The following CBLIF variants were observed in gnomAD, a reference collection of about 807,000 sequenced individuals.
CBLIF encodes the protein gastric intrinsic factor (vitamin B synthesis).
In CBLIF, 24 loss-of-function variants were observed where a neutral mutation model predicts 44.9. The ratio of observed to expected loss-of-function variants is 0.53; its 90% CI spans 0.39 to 0.75. CBLIF has a LOEUF of 0.75. Ranked by LOEUF, CBLIF falls within the 30% of genes least tolerant of loss-of-function variation. The pLI, the probability that CBLIF is intolerant of heterozygous loss-of-function variation, is 0.00. For missense variants in CBLIF, 481 were observed against 513.0 expected (o/e 0.94, Z 0.60); for synonymous variants, 183 against 190.9 (o/e 0.96, Z 0.34).
At chr11:59,839,317 A>G (rs1387106967) in intron 5 of CBLIF, among the ~76,000 whole-genome samples, 1 of 152,358 alleles carries the variant, frequency 6.6e-6, no homozygotes, top group Middle Eastern at 3.4e-3. Context: ...ATCTTGGAAG[A>G]AGGTGAACAA....
chr11:59,845,464 C>T lies in CBLIF; in HGVS notation c.-11G>A, dbSNP rs779506821. The T allele has an allele frequency of 1.2e-5, 19 of 1,578,334 alleles. No individual in the cohort carries two copies. The highest frequency in any genetic ancestry group is 5.0e-5 in the Admixed American group (3 of 59,928). Reference sequence around the variant, plus strand: ...GGCAAACCAGGCCATCTCACTCTCTCGTCTATGTCTCTCATCCACAGGTAC... The same window carrying T: ...GGCAAACCAGGCCATCTCACTCTCTTGTCTATGTCTCTCATCCACAGGTAC... On this transcript the variant is annotated 5_prime_UTR_variant, in exon 1 of 9. Transcript: ENST00000257248.
At chr11:59,835,396 A>G in intron 7 of CBLIF, among the ~76,000 whole-genome samples, 1 of 151,742 alleles carries the variant, frequency 6.6e-6, no homozygotes, top group East Asian at 1.9e-4. Context: ...AGCCTCCCAA[A>G]GTGCTGGGAT....
Position 59,829,440 on chromosome 11 carries a change from C to A in CBLIF, c.*44G>T, listed in dbSNP as rs1169467156. 1.6e-6 allele frequency: 2 copies of A among 1,262,584 alleles called. No individual in the cohort carries two copies. The highest frequency in any genetic ancestry group is 2.3e-6 in the Non-Finnish European group (2 of 858,902). The allele number at this position is 1,262,584 out of a possible 1,614,324, so 78.2% of individuals were successfully genotyped here. On this transcript the variant is annotated 3_prime_UTR_variant, in exon 9 of 9. Transcript: ENST00000257248. Reference sequence around the variant, plus strand: ...TAAAATGAAGTGGAAAAAATTTCACCCATCCTTTGGAGATGTTTGATAGAA... The same window carrying A: ...TAAAATGAAGTGGAAAAAATTTCACACATCCTTTGGAGATGTTTGATAGAA...
intron 8 of CBLIF, among the ~76,000 whole-genome samples, chr11:59,830,213 G>A (rs1362651002): frequency 6.7e-6 from 1 of 148,936 alleles, no homozygotes. Context: ...CCTGATTTAA[G>A]TTCCTGGGGC....
chr11:59,837,375 G>C, intron 5 of CBLIF, 24 bp from the exon 6 acceptor site: 2 of 1,583,438 alleles, frequency 1.3e-6, no homozygotes, highest in Non-Finnish European at 1.7e-6. Context: ...CAGAAAGAGA[G>C]AGAAAGAGTA....
intron 6 of CBLIF, among the ~76,000 whole-genome samples, chr11:59,836,598 G>A (rs113333935): frequency 0.012 from 1,753 of 152,150 alleles, 28 homozygotes; most frequent in African/African-American, 0.04. Flanking sequence ...GATATATTGC[G>A]TGCATCGAGC....
chr11:59,835,913 C>T lies in CBLIF; in HGVS notation c.968G>A (p.Arg323Lys). The T allele has an allele frequency of 1.2e-6, 2 of 1,613,984 alleles. No individual in the cohort carries two copies. The highest frequency in any genetic ancestry group is 1.7e-6 in the Non-Finnish European group (2 of 1,179,876). ...CTCGTTGAAGAGCAGCTCAACCCCCCTCAGCTGGTTATTTATGGTGTATAT... is the reference window on the plus strand; with the variant it reads ...CTCGTTGAAGAGCAGCTCAACCCCCTTCAGCTGGTTATTTATGGTGTATAT... ...TVIYTINNQLRGVELLFNETI... is the reference protein window; with the variant it reads ...TVIYTINNQLKGVELLFNETI... The change falls in exon 7 of 9, where the codon AGG becomes AAG. Residue 323 changes from arginine to lysine, a missense_variant. Transcript: ENST00000257248.
rs1401062936 is a variant in CBLIF at position 59,837,324 on chromosome 11, T to C, written c.721A>G (p.Lys241Glu). 6.2e-7 allele frequency: 1 copy of C among 1,613,306 alleles called. No individual in the cohort carries two copies. The highest frequency in any genetic ancestry group is 1.1e-5 in the South Asian group (1 of 91,062). The change falls in exon 6 of 9, where the codon AAA (lysine) becomes GAA (glutamate). Residue 241 changes from lysine to glutamate, a missense_variant. Lys to Glu is a moderately conservative substitution (Grantham distance 56). Coordinates refer to ENST00000257248, the MANE Select transcript of CBLIF (RefSeq NM_005142.3). ...GTCTTCTTGCAGTTCCATTCCTTTT[T>C]AGATGGCTCAGGTGTTACAGAGAGA... ...QALSVTPEPSKKEWNCKKTTD... is the reference protein window; with the variant it reads ...QALSVTPEPSEKEWNCKKTTD...
chr11:59,836,669 C>T (rs1473108292), intron 6 of CBLIF, among the ~76,000 whole-genome samples: 1 of 152,154 alleles, frequency 6.6e-6, no homozygotes, highest in African/African-American at 2.4e-5. Flanking sequence ...TCTGAAGCCT[C>T]CCAAACAAAA....
chr11:59,830,169 G>C (rs909034058), intron 8 of CBLIF, among the ~76,000 whole-genome samples: 1 of 151,544 alleles, frequency 6.6e-6, no homozygotes, highest in Non-Finnish European at 1.5e-5. Flanking sequence ...CTTTCTCCCA[G>C]GGAAGAAAAG....
At chr11:59,832,519 G>T (rs1055740600) in intron 7 of CBLIF, among the ~76,000 whole-genome samples, 6 of 152,054 alleles carry the variant, frequency 3.9e-5, no homozygotes, top group African/African-American at 1.4e-4. Context: ...CAGGTGTGGC[G>T]GCTCATGCCT....
rs778972596 is a variant in CBLIF at position 59,836,832 on chromosome 11, T to C, written c.871+342A>G. ...AAAGGCAGATATGATAAGATATGCATAGTGTTTGATGGTACATTTGTGAAA... is the reference window on the plus strand; with the variant it reads ...AAAGGCAGATATGATAAGATATGCACAGTGTTTGATGGTACATTTGTGAAA... On this transcript the variant is annotated intron_variant, in intron 6 of 8. Transcript: ENST00000257248. Among the ~76,000 whole-genome samples, 178 of 152,232 alleles carry C rather than the reference T, an allele frequency of 1.2e-3. 6 individuals are homozygous for C. The highest frequency in any genetic ancestry group is 5.2e-4 in the Admixed American group (8 of 15,282).
At chr11:59,836,501 AGT>A (rs1415892357) in intron 6 of CBLIF, among the ~76,000 whole-genome samples, 3 of 152,182 alleles carry the variant, frequency 2.0e-5, no homozygotes, top group African/African-American at 7.2e-5. Flanking sequence ...TTGAATTTTT[AGT>A]GTCTTTCAAT....
At chr11:59,834,278 T>C (rs1469953456) in intron 7 of CBLIF, among the ~76,000 whole-genome samples, 1 of 136,422 alleles carries the variant, frequency 7.3e-6, no homozygotes, top group Non-Finnish European at 1.6e-5. Context: ...CTTTCTTTCT[T>C]TCTTTCTTTC....
chr11:59,842,628 G>A lies in CBLIF; in HGVS notation c.371-45C>T, dbSNP rs115548694. On this transcript the variant is annotated intron_variant, in intron 3 of 8. Transcript: ENST00000257248. ...CCTTCATCAGACTCACAGTCACCAC[G>A]ATGAGGACATTTGCAAAGAAGGAAA... The A allele has an allele frequency of 7.3e-4, 1,166 of 1,593,624 alleles. 9 individuals are homozygous for A. The African/African-American group carries it at 0.012, about 17-fold the overall frequency.
intron 4 of CBLIF, 121 bp downstream of exon 4, chr11:59,842,322 C>G (rs867538796): frequency 1.8e-6 from 2 of 1,095,496 alleles, no homozygotes; most frequent in Non-Finnish European, 2.8e-6. Context: ...TCCACAGGCA[C>G]GTTCACATCC....
rs775763593 is a variant in CBLIF, at chr11:59,845,413, G to A, written c.41C>T (p.Ala14Val). Residue 14 changes from alanine to valine, a missense_variant, in exon 1 of 9, where the codon GCT becomes GTT. Ala to Val is a moderately conservative substitution (Grantham distance 64). Transcript: ENST00000257248. ...FALYLLSLLW[A>V]TAGTSTQTQS... ...GGTCTGGGTACTAGTCCCAGCTGTA[G>A]CCCAGAGAAGGCTCAGGAGGTAGAG... 6.2e-7 allele frequency: 1 copy of A among 1,612,620 alleles called. No individual in the cohort carries two copies. The highest frequency in any genetic ancestry group is 2.2e-5 in the East Asian group (1 of 44,874).
chr11:59,837,249 T>C lies in CBLIF; in HGVS notation c.796A>G (p.Met266Val). The stretch of plus-strand genomic sequence containing the variant: ...GAAGGGAGGATTTGAGCAATGGACA[T>C]GGGGTTGTGGAATTTCCCCTGCTTA... ...EIKQGKFHNPMSIAQILPSLK... is the reference protein window; with the variant it reads ...EIKQGKFHNPVSIAQILPSLK... The change falls in exon 6 of 9, where the codon ATG (methionine) becomes GTG (valine). Residue 266 changes from methionine (M) to valine (V), a missense_variant. By Grantham distance (21) the Met-to-Val change is conservative (BLOSUM62 1). Transcript: ENST00000257248. 6.2e-7 allele frequency: 1 copy of C among 1,613,822 alleles called. No individual in the cohort carries two copies. Among genetic ancestry groups the C allele is most frequent in the Non-Finnish European group, 8.5e-7 (1 of 1,179,676 alleles).
chr11:59,829,699 G>A (rs2135080229), intron 8 of CBLIF, among the ~76,000 whole-genome samples, 154 bp from the exon 9 acceptor site: 1 of 152,328 alleles, frequency 6.6e-6, no homozygotes. Context: ...TGATTATGAA[G>A]AGAAAATGAA....
Sources: gnomAD v4.1 joint callset for allele counts (sites outside exome capture counted in the v4.1 genomes callset) on GRCh38, gnomAD v4.1.1 for gene constraint, MANE v1.5 for transcripts, NCBI Gene and HGNC (gene_info 2026-07-23, HGNC 2026-07-21) for gene names.